KLHL32: variants seen among roughly 807,000 people sequenced by gnomAD.
KLHL32 encodes kelch like family member 32, also known as kelch-like protein 32.
In KLHL32, 35 loss-of-function variants were observed where a neutral mutation model predicts 64.8. That is an observed-to-expected ratio of 0.54 (90% CI 0.41 to 0.72). KLHL32 has a LOEUF of 0.72. Among genes scored for constraint, KLHL32 ranks in the 30% least tolerant of loss-of-function variants. The probability of loss-of-function intolerance (pLI) is 0.00; values close to 1 mark genes in which losing one functional copy is unlikely to be tolerated. For missense variants in KLHL32, 589 were observed against 768.5 expected (o/e 0.77, Z 2.76); for synonymous variants, 259 against 281.0 (o/e 0.92, Z 0.78).
At chr6:97,088,002 A>G (rs552130185) in intron 6 of KLHL32, among the ~76,000 whole-genome samples, 5 of 151,988 alleles carry the variant, frequency 3.3e-5, no homozygotes, top group African/African-American at 9.6e-5. Context: ...TTTTTTTTCC[A>G]TCTGACCTTT....
At chr6:96,984,886 T>C (rs1294976210) in intron 3 of KLHL32, among the ~76,000 whole-genome samples, 1 of 152,206 alleles carries the variant, frequency 6.6e-6, no homozygotes, top group Admixed American at 6.5e-5. Context: ...AAGGTTAATA[T>C]TGTTATGTGT....
chr6:96,937,720 T>C (rs1770785852), intron 1 of KLHL32, among the ~76,000 whole-genome samples: 1 of 152,190 alleles, frequency 6.6e-6, no homozygotes, highest in African/African-American at 2.4e-5. Context: ...CGTGTCCCCC[T>C]CTACCCTCCA....
At position 97,026,371 on chromosome 6, in the gene KLHL32, CA is replaced by C. The variant is rs879741013; in HGVS notation, c.205-15108del. ...TGGGTGACAAAGTAAGACCCTGTCTCAAAAAAAAAAAAATTAACTCGAACAT... is the reference window on the plus strand; with the variant it reads ...TGGGTGACAAAGTAAGACCCTGTCTCAAAAAAAAAAAATTAACTCGAACAT... On this transcript the variant is annotated intron_variant, in intron 3 of 10. Coordinates refer to ENST00000369261, the MANE Select transcript of KLHL32 (RefSeq NM_052904.4). Among the ~76,000 whole-genome samples, 804 of 138,606 alleles carry C rather than the reference CA, an allele frequency of 5.8e-3. 2 individuals are homozygous for C. The highest frequency in any genetic ancestry group is 0.016 in the African/African-American group (591 of 37,962). The allele number at this position is 138,606 out of a possible 152,430, so 90.9% of individuals were successfully genotyped here.
intron 3 of KLHL32, among the ~76,000 whole-genome samples, chr6:97,031,673 A>G (rs1388545491): frequency 3.3e-5 from 5 of 152,142 alleles, no homozygotes; most frequent in African/African-American, 9.7e-5. Flanking sequence ...TGTGATGTCA[A>G]AGTGGAAGTT....
chr6:97,137,952 G>A (rs1169936746), intron 10 of KLHL32, among the ~76,000 whole-genome samples: 2 of 152,322 alleles, frequency 1.3e-5, no homozygotes, highest in East Asian at 1.9e-4. Flanking sequence ...AAACACCTAC[G>A]TCCAGGATGC....
chr6:96,972,530 A>T (rs1775227128), intron 2 of KLHL32, among the ~76,000 whole-genome samples: 1 of 152,192 alleles, frequency 6.6e-6, no homozygotes, highest in Non-Finnish European at 1.5e-5. Context: ...GGAAGCCAGG[A>T]CACTGTCTGC....
chr6:97,049,588 C>CGGGGGG (rs1402181149), intron 4 of KLHL32, among the ~76,000 whole-genome samples: 1 of 50,408 alleles, frequency 2.0e-5, no homozygotes, highest in African/African-American at 7.5e-5. Context: ...TAACGGGGGG[C>CGGGGGG]GGGGGGGAAC....
intron 3 of KLHL32, chr6:97,010,305 G>A (rs13205008): frequency 0.16 from 23,932 of 152,038 alleles, 2,142 homozygotes; most frequent in East Asian, 0.38. Context: ...CTTGGCTCTG[G>A]TAGGGCTGGT....
At chr6:97,091,528 G>A (rs1397710349) in intron 6 of KLHL32, among the ~76,000 whole-genome samples, 2 of 152,286 alleles carry the variant, frequency 1.3e-5, no homozygotes, top group South Asian at 2.1e-4. Context: ...TGTCTGATGT[G>A]GGGCTTTCCG....
In KLHL32 at chr6:97,091,301, C is replaced by T. The variant is rs137891424; in HGVS notation, c.627+5960C>T. On this transcript the variant is annotated intron_variant, in intron 6 of 10. Coordinates refer to ENST00000369261, the MANE Select transcript of KLHL32 (RefSeq NM_052904.4). ...GCCCATGGATTGAACAAATCATGGC[C>T]TCTGTGCCTGCCTCCGTGTCTGTGT... 1.6e-3 allele frequency among the ~76,000 whole-genome samples: 240 copies of T among 152,312 alleles called. 2 individuals carry two copies. The East Asian group carries it at 0.038, about 24-fold the overall frequency.
chr6:97,132,235 T>TG (rs1582276773), intron 9 of KLHL32, among the ~76,000 whole-genome samples: 1 of 152,180 alleles, frequency 6.6e-6, no homozygotes, highest in Non-Finnish European at 1.5e-5. Context: ...ATTGGCTTCT[T>TG]GGGGTTGCAG....
At chr6:97,082,180 A>T in intron 5 of KLHL32, among the ~76,000 whole-genome samples, 1 of 152,204 alleles carries the variant, frequency 6.6e-6, no homozygotes, top group Non-Finnish European at 1.5e-5. Flanking sequence ...AATACTAAAG[A>T]GGAAAAAGAG....
chr6:97,107,378 G>T (rs534109386), intron 6 of KLHL32, among the ~76,000 whole-genome samples: 5 of 152,172 alleles, frequency 3.3e-5, no homozygotes, highest in Admixed American at 3.3e-4. Context: ...ATAATGGCAA[G>T]TAGATATAAT....
intron 3 of KLHL32, among the ~76,000 whole-genome samples, chr6:96,990,864 A>G (rs1423693722): frequency 6.6e-6 from 1 of 152,078 alleles, no homozygotes; most frequent in Admixed American, 6.5e-5. Context: ...AGGTGTAGGT[A>G]AAGCACTTAA....
rs180711709 is a variant in KLHL32, at chr6:96,926,463, A to G, written c.-66+1437A>G. On this transcript the variant is annotated intron_variant, in intron 1 of 10. Coordinates refer to ENST00000369261, the MANE Select transcript of KLHL32 (RefSeq NM_052904.4). Reference sequence around the variant, plus strand: ...TACTTCTTTTTTAATCCTCACAACAACCCTTTGAGGCCAATAAATTACCTT... The same window carrying G: ...TACTTCTTTTTTAATCCTCACAACAGCCCTTTGAGGCCAATAAATTACCTT... 2.3e-3 allele frequency among the ~76,000 whole-genome samples: 350 copies of G among 152,260 alleles called. 2 individuals carry two copies. Among genetic ancestry groups the G allele is most frequent in the African/African-American group, 8.3e-3 (345 of 41,562 alleles).
intron 3 of KLHL32, among the ~76,000 whole-genome samples, chr6:97,013,787 A>C (rs12055565): frequency 0.1 from 15,483 of 152,276 alleles, 1,046 homozygotes; most frequent in East Asian, 0.31. Flanking sequence ...GGAAGAAAAC[A>C]GCGTATTATG....
intron 4 of KLHL32, among the ~76,000 whole-genome samples, chr6:97,056,446 C>T (rs751183864): frequency 3.9e-5 from 6 of 152,032 alleles, no homozygotes; most frequent in Non-Finnish European, 8.8e-5. Flanking sequence ...TAACACTGCT[C>T]ACTGTGGGCT....
intron 1 of KLHL32, among the ~76,000 whole-genome samples, chr6:96,935,561 A>G (rs987963806): frequency 5.3e-5 from 8 of 152,270 alleles, no homozygotes; most frequent in South Asian, 2.1e-4. Flanking sequence ...TTGATTTTGA[A>G]CTTGCAGCCT....
At chr6:96,972,491 G>A (rs570570415) in intron 2 of KLHL32, among the ~76,000 whole-genome samples, 2 of 152,188 alleles carry the variant, frequency 1.3e-5, no homozygotes, top group South Asian at 2.1e-4. Context: ...CAGTTCTAGG[G>A]CATCCCTCAG....
Sources: gnomAD v4.1 joint callset for allele counts (sites outside exome capture counted in the v4.1 genomes callset) on GRCh38, gnomAD v4.1.1 for gene constraint, MANE v1.5 for transcripts, NCBI Gene and HGNC (gene_info 2026-07-23, HGNC 2026-07-21) for gene names.